Variants in TAB3 observed in about 807,000 individuals in gnomAD.
TAB3 encodes TGF-beta activated kinase 1 (MAP3K7) binding protein 3, also known as TGF-beta-activated kinase 1 and MAP3K7-binding protein 3.
Under a neutral mutation model 48.1 loss-of-function variants are expected in TAB3, and 18 were observed. The ratio of observed to expected loss-of-function variants is 0.37; its 90% CI spans 0.26 to 0.55. The LOEUF (loss-of-function observed/expected upper bound fraction) is 0.55, where lower values mean the gene tolerates loss of function less well. TAB3 is among the 20% of genes least tolerant of loss of function. TAB3 has a pLI of 0.78. For synonymous variants in TAB3, 185 were observed against 190.2 expected, an observed-to-expected ratio of 0.97 and a Z score of 0.22; for missense variants, 414 against 549.8, an observed-to-expected ratio of 0.75 and a Z score of 2.47.
At chrX:30,858,642 T>G (rs1939150185) in intron 5 of TAB3, among the ~76,000 whole-genome samples, 1 of 111,351 alleles carries the variant, frequency 9.0e-6, no homozygotes, top group Admixed American at 9.5e-5. Flanking sequence ...GTGAGCATGG[T>G]AGAAGTACTG....
At chrX:30,853,007 C>T in intron 6 of TAB3, 69 bp from the exon 7 acceptor site, 1 of 1,072,201 alleles carries the variant, frequency 9.3e-7, no homozygotes, top group Non-Finnish European at 1.3e-6. Flanking sequence ...TTTCGATATG[C>T]ACTGCTAATG....
intron 2 of TAB3, 48 bp from the exon 3 acceptor site, chrX:30,867,597 A>G (rs973598180): frequency 9.0e-6 from 1 of 111,585 alleles, no homozygotes; most frequent in Non-Finnish European, 1.9e-5. Flanking sequence ...TCCCAACTCA[A>G]TATGGAAAAT....
chrX:30,844,638 C>T (rs1938562813), intron 8 of TAB3: 1 of 112,089 alleles, frequency 8.9e-6, no homozygotes, highest in African/African-American at 3.2e-5. Context: ...GTTTATGTAA[C>T]CCCTACATCA....
At chrX:30,843,903 A>ATACT (rs1938537367) in intron 8 of TAB3, 1 of 111,296 alleles carries the variant, frequency 9.0e-6, no homozygotes, top group African/African-American at 3.3e-5. Flanking sequence ...AACTGTAGCC[A>ATACT]TACTTATTTA....
At chrX:30,885,574 A>T (rs1940106844) in intron 1 of TAB3, among the ~76,000 whole-genome samples, 1 of 105,037 alleles carries the variant, frequency 9.5e-6, no homozygotes, top group Non-Finnish European at 2.0e-5. Flanking sequence ...TGAGGAAGGC[A>T]AGACCAACTG....
intron 10 of TAB3, among the ~76,000 whole-genome samples, chrX:30,831,818 T>C (rs1035976769): frequency 3.6e-5 from 4 of 112,267 alleles, no homozygotes; most frequent in Middle Eastern, 4.7e-3. Context: ...CCAGAATAGA[T>C]TGCCTTCCTA....
intron 9 of TAB3, among the ~76,000 whole-genome samples, chrX:30,837,980 T>C (rs959460114): frequency 8.9e-6 from 1 of 112,610 alleles, no homozygotes; most frequent in Non-Finnish European, 1.9e-5. Flanking sequence ...CAAATGACAG[T>C]GTGACTGGGG....
chrX:30,831,379 G>A lies in TAB3; in HGVS notation c.*48C>T. 6.0e-6 allele frequency: 7 copies of A among 1,174,989 alleles called. No individual in the cohort carries two copies. Among genetic ancestry groups the A allele is most frequent in the Non-Finnish European group, 8.0e-6 (7 of 873,944 alleles). On this transcript the variant is annotated 3_prime_UTR_variant, in exon 11 of 11. Coordinates refer to ENST00000288422, the MANE Select transcript of TAB3 (RefSeq NM_152787.5). ...GAGTCCCGAGGTTTCCTTTTCTTCT[G>A]GTAGTGCTCAAAGTTTCACTTTCAA... is the stretch of plus-strand genomic sequence containing the variant.
chrX:30,857,436 T>C (rs1939110318), intron 5 of TAB3, among the ~76,000 whole-genome samples: 1 of 110,957 alleles, frequency 9.0e-6, no homozygotes, highest in African/African-American at 3.3e-5. Flanking sequence ...AATAAAGTAT[T>C]CTTTTTTTTT....
chrX:30,854,538 G>A lies in TAB3; in HGVS notation c.1127C>T (p.Pro376Leu). The change falls in exon 6 of 11, where the codon CCT (proline) becomes CTT (leucine). Residue 376 changes from proline to leucine, a missense_variant. Physicochemically the swap from Pro to Leu is moderately conservative, Grantham distance 98. Coordinates refer to ENST00000288422, the MANE Select transcript of TAB3 (RefSeq NM_152787.5). ...AGGACTCCTATTAATTGCTGTCCCAGGTCTTTGAGAAGGTTCAACTGTAAT... is the reference window on the plus strand; with the variant it reads ...AGGACTCCTATTAATTGCTGTCCCAAGTCTTTGAGAAGGTTCAACTGTAAT... ...IEITVEPSQRPGTAINRSPSP... is the reference protein window; with the variant it reads ...IEITVEPSQRLGTAINRSPSP... 8.3e-7 allele frequency: 1 copy of A among 1,210,276 alleles called. No homozygotes were observed. Among genetic ancestry groups the A allele is most frequent in the Non-Finnish European group, 1.1e-6 (1 of 894,206 alleles).
intron 9 of TAB3, among the ~76,000 whole-genome samples, chrX:30,838,374 G>A (rs753365683): frequency 4.5e-5 from 5 of 111,294 alleles, no homozygotes; most frequent in African/African-American, 9.8e-5. Context: ...GGCTAGTCTC[G>A]AACTCCTGAG....
rs765254479 is a variant in TAB3 at position 30,859,636 on chromosome X, C to T, written c.-48G>A. ...TTTCTCTTAGGAAATGGATGTTAACCGGCTTTCCAAAAGTAATGATCTTCT... is the reference window on the plus strand; with the variant it reads ...TTTCTCTTAGGAAATGGATGTTAACTGGCTTTCCAAAAGTAATGATCTTCT... On this transcript the variant is annotated 5_prime_UTR_variant, in exon 5 of 11. Transcript: ENST00000288422. 236 of 910,747 alleles carry T rather than the reference C, an allele frequency of 2.6e-4. 3 individuals carry two copies. In the South Asian group the frequency reaches 4.8e-3, roughly 18 times the overall value. The allele number at this position is 910,747 out of a possible 1,213,427, so 75.1% of individuals were successfully genotyped here. A position where few individuals can be genotyped will look rare whatever the true frequency, so the allele number is the denominator to read the frequency against.
chrX:30,857,648 A>G (rs1939117778), intron 5 of TAB3, among the ~76,000 whole-genome samples: 1 of 111,640 alleles, frequency 9.0e-6, no homozygotes, highest in Non-Finnish European at 1.9e-5. Flanking sequence ...CAGCATATCT[A>G]TAGTGACAAG....
intron 4 of TAB3, among the ~76,000 whole-genome samples, chrX:30,863,349 GCTTT>G (rs1468530404): frequency 1.8e-5 from 2 of 112,118 alleles, no homozygotes; most frequent in African/African-American, 6.5e-5. Flanking sequence ...TCACTGGGAG[GCTTT>G]CTGTTTACAA....
At chrX:30,853,218 T>C (rs192192180) in intron 6 of TAB3, among the ~76,000 whole-genome samples, 1 of 112,342 alleles carries the variant, frequency 8.9e-6, no homozygotes, top group Non-Finnish European at 1.9e-5. Context: ...GCATACTGAA[T>C]AATTACTTCC....
intron 8 of TAB3, 30 bp downstream of exon 8, chrX:30,846,520 CT>C: frequency 9.3e-7 from 1 of 1,076,515 alleles, no homozygotes. Flanking sequence ...CACACTATTA[CT>C]TATGGTTTAC....
At position 30,852,907 on chromosome X, in the gene TAB3, C is replaced by A; in HGVS notation, c.1581G>T (p.Glu527Asp). The change falls in exon 7 of 11, where the codon GAG (glutamate) becomes GAT (aspartate). Residue 527 changes from glutamate (E) to aspartate (D), a missense_variant. Physicochemically the swap from Glu to Asp is conservative, Grantham distance 45 (BLOSUM62 2). Transcript: ENST00000288422. ...ALLLHQRARM[E>D]RLAKQLKLEK... ...CAAGTTTCAGTTGCTTTGCTAACCT[C>A]TCCATCCTTGCTCGTTGATGTAACA... 1 of 1,211,613 alleles carries A rather than the reference C, an allele frequency of 8.3e-7. No individual in the cohort carries two copies.
chrX:30,839,139 G>A (rs1425083559), intron 9 of TAB3, among the ~76,000 whole-genome samples: 1 of 111,581 alleles, frequency 9.0e-6, no homozygotes, highest in African/African-American at 3.3e-5. Flanking sequence ...GTTTTTGAAA[G>A]ATGCCCTTTA....
Position 30,854,616 on chromosome X carries a change from T to C in TAB3, c.1049A>G (p.Tyr350Cys), listed in dbSNP as rs1459327472. 2.5e-6 allele frequency: 3 copies of C among 1,211,473 alleles called. No individual in the cohort carries two copies. The highest frequency in any genetic ancestry group is 2.2e-6 in the Non-Finnish European group (2 of 895,146). Residue 350 changes from tyrosine to cysteine, a missense_variant, in exon 6 of 11, where the codon TAT (tyrosine) becomes TGT (cysteine). Transcript: ENST00000288422. ...TAAACTAGATGCTGTGTATGGAAGATAGGCTACTGAATGGCTTCCCTGTTT... is the reference window on the plus strand; with the variant it reads ...TAAACTAGATGCTGTGTATGGAAGACAGGCTACTGAATGGCTTCCCTGTTT... ...YQKQGSHSVA[Y>C]LPYTASSLSK...
Sources: allele counts gnomAD v4.1 joint callset (sites outside exome capture counted in the v4.1 genomes callset), GRCh38; gene constraint gnomAD v4.1.1; transcripts MANE v1.5; gene names NCBI Gene and HGNC (gene_info 2026-07-23, HGNC 2026-07-21).